The following FBF1 variants were observed in gnomAD, a reference collection of about 807,000 sequenced individuals.
The protein encoded by FBF1 is fas-binding factor 1.
FBF1 carries 119 observed loss-of-function variants against 147.2 expected under a neutral mutation model. The ratio of observed to expected loss-of-function variants is 0.81; its 90% CI spans 0.70 to 0.94. The LOEUF is 0.94. FBF1 is among the 40% of genes least tolerant of loss of function. FBF1 has a pLI of 0.00. For synonymous variants in FBF1, 601 were observed against 609.0 expected, an observed-to-expected ratio of 0.99 and a Z score of 0.19; for missense variants, 1,449 against 1,500.8, an observed-to-expected ratio of 0.97 and a Z score of 0.57.
chr17:75,926,287 C>T lies in FBF1; in HGVS notation c.734+1G>A. 1 of 1,613,148 alleles carries T rather than the reference C, an allele frequency of 6.2e-7. No homozygotes were observed. Among genetic ancestry groups the T allele is most frequent in the South Asian group, 1.1e-5 (1 of 90,910 alleles). ...AGCCTGGCCTACTCAGGGATCCTTACTGGTCTCCTATCTGCCTCTTCTCTG... is the reference window on the plus strand; with the variant it reads ...AGCCTGGCCTACTCAGGGATCCTTATTGGTCTCCTATCTGCCTCTTCTCTG... On this transcript the variant is annotated splice_donor_variant, in intron 11 of 29. Transcript: ENST00000636174. LOFTEE classifies it high-confidence loss of function.
At position 75,917,725 on chromosome 17, in the gene FBF1, G is replaced by A. The variant is rs932215452; in HGVS notation, c.2505+7C>T. On this transcript the variant is annotated splice_region_variant and intron_variant, in intron 23 of 29. Transcript: ENST00000636174. ...AGGGGCAGGAGGGCCAGGAGGACGG[G>A]CCTCACCTGCTCCAGCAGCCGGCTC... The A allele has an allele frequency of 1.9e-6, 3 of 1,568,134 alleles. No individual in the cohort carries two copies. Among genetic ancestry groups the A allele is most frequent in the Admixed American group, 3.7e-5 (2 of 53,702 alleles).
Position 75,923,304 on chromosome 17 carries a change from CCT to C in FBF1, c.1304_1305del (p.Glu435GlyfsTer25). Reference sequence around the variant, plus strand: ...CGAGACAGGGCATGGCTCAGCCAGTCCTCTTTCTCCTCCTTGGAGGCTCGCAG... The same window carrying C: ...CGAGACAGGGCATGGCTCAGCCAGTCCTTTCTCCTCCTTGGAGGCTCGCAG... ...SKLRASKEEK[E>X]DWLSHALSRK... On this transcript the variant is annotated frameshift_variant, in exon 14 of 30. Coordinates refer to ENST00000636174, the MANE Select transcript of FBF1 (RefSeq NM_001319193.2). LOFTEE classifies it high-confidence loss of function. This position sits in a 1 kb window ranked among gnomAD's most constrained non-coding sequence, Gnocchi z 4.1. 1 of 1,594,214 alleles carries C rather than the reference CCT, an allele frequency of 6.3e-7. No homozygotes were observed. The highest frequency in any genetic ancestry group is 8.5e-7 in the Non-Finnish European group (1 of 1,170,798).
chr17:75,923,784 C>T lies in FBF1; in HGVS notation c.969-143G>A, dbSNP rs1346498783. Reference sequence around the variant, plus strand: ...GTGAGCAGTGGCTCCTGGACCGGCTCAGGTGGCAGGCCACGTGCTGTCTGT... The same window carrying T: ...GTGAGCAGTGGCTCCTGGACCGGCTTAGGTGGCAGGCCACGTGCTGTCTGT... On this transcript the variant is annotated intron_variant, in intron 13 of 29. Coordinates refer to ENST00000636174, the MANE Select transcript of FBF1 (RefSeq NM_001319193.2). The surrounding 1 kb of genome is among the most constrained non-coding windows in gnomAD (Gnocchi z 4.1). The T allele has an allele frequency of 9.0e-6, 7 of 775,130 alleles. No homozygotes were observed. The highest frequency in any genetic ancestry group is 8.1e-5 in the East Asian group (3 of 37,108). 48.0% of individuals were successfully genotyped at this position (775,130 alleles called of 1,614,324 possible).
Position 75,918,034 on chromosome 17 carries a change from G to A in FBF1, c.2283C>T (p.Phe761=), listed in dbSNP as rs367968756. The change falls in exon 22 of 30, where the codon TTC becomes TTT. Residue 761 remains phenylalanine (F), a synonymous_variant. Transcript: ENST00000636174. This position sits in a 1 kb window ranked among gnomAD's most constrained non-coding sequence, Gnocchi z 5.8. Reference sequence around the variant, plus strand: ...AGGACAACTCGTGCAGGCTGCTGGAGAACTTCTCCATCTGGTGGATGATGC... The same window carrying A: ...AGGACAACTCGTGCAGGCTGCTGGAAAACTTCTCCATCTGGTGGATGATGC... ...LNSIIHQMEK[F]SSSLHELSSR... The A allele has an allele frequency of 4.3e-6, 7 of 1,611,980 alleles. No individual in the cohort carries two copies. In the African/African-American group the frequency reaches 9.3e-5, roughly 22 times the overall value.
intron 4 of FBF1, among the ~76,000 whole-genome samples, chr17:75,934,605 C>T (rs942895975): frequency 2.0e-5 from 3 of 149,234 alleles, no homozygotes; most frequent in Admixed American, 6.7e-5. Flanking sequence ...TGGCCGGGCG[C>T]GGTGGCTCAA....
Position 75,931,247 on chromosome 17 carries a change from C to T in FBF1, c.210G>A (p.Leu70=). The change falls in exon 6 of 30, where the codon CTG becomes CTA. Residue 70 remains leucine, a synonymous_variant. Transcript: ENST00000636174. ...GDDVFSTMAG[L]EEADAEVSGI... is the part of the protein sequence containing the mutation. ...GGCTCACCTCAGCATCAGCTTCTTC[C>T]AGGCCTGCCATGGTGCTGAAGACAT... is the stretch of plus-strand genomic sequence containing the variant. The T allele has an allele frequency of 6.3e-7, 1 of 1,580,002 alleles. No individual in the cohort carries two copies. The highest frequency in any genetic ancestry group is 1.2e-5 in the South Asian group (1 of 85,870).
rs369905968 is a variant in FBF1, at chr17:75,918,227, C to A, written c.2181G>T (p.Leu727=). 4.4e-5 allele frequency: 71 copies of A among 1,613,532 alleles called. No individual in the cohort carries two copies. The highest frequency in any genetic ancestry group is 4.9e-5 in the Non-Finnish European group (58 of 1,179,862). The stretch of plus-strand genomic sequence containing the variant: ...GGTCCTTCAGCAGCTTTAGCCGCTG[C>A]AGCTGCTCCTCGTGGTCTCTGCGCA... The part of the protein sequence containing the change: ...LDMRRDHEEQ[L]QRLKLLKDRE... Residue 727 remains leucine, a synonymous_variant, in exon 21 of 30, where the codon CTG becomes CTT. Coordinates refer to ENST00000636174, the MANE Select transcript of FBF1 (RefSeq NM_001319193.2). This position sits in a 1 kb window ranked among gnomAD's most constrained non-coding sequence, Gnocchi z 5.8.
At chr17:75,926,681 C>G in intron 10 of FBF1, 77 bp downstream of exon 10, 1 of 1,550,374 alleles carries the variant, frequency 6.5e-7, no homozygotes, top group Non-Finnish European at 8.7e-7. Context: ...GCCTCTGGTT[C>G]TGCACCAGAA....
chr17:75,917,632 T>G, intron 23 of FBF1, 100 bp downstream of exon 23: 1 of 1,094,414 alleles, frequency 9.1e-7, no homozygotes, highest in Non-Finnish European at 1.3e-6. Flanking sequence ...CTTGACCTCC[T>G]GAGGAAGTGA....
At chr17:75,931,713 G>A (rs548581459) in intron 5 of FBF1, among the ~76,000 whole-genome samples, 21 of 152,086 alleles carry the variant, frequency 1.4e-4, no homozygotes, top group Non-Finnish European at 2.2e-4. Flanking sequence ...GAACCGGGAG[G>A]TGGAGGCTGC....
At chr17:75,938,030 C>G (rs1459497947) in intron 2 of FBF1, 117 bp downstream of exon 2, 14 of 1,471,446 alleles carry the variant, frequency 9.5e-6, no homozygotes, top group Non-Finnish European at 1.3e-5. Context: ...TCTCCAGGGT[C>G]TCCATCCTGG....
At chr17:75,929,945 A>AGGGGGGGCCCCCCCCCCCCCCCCCCCACC in intron 7 of FBF1, 52 bp downstream of exon 7, 1 of 650,912 alleles carries the variant, frequency 1.5e-6, no homozygotes, top group Non-Finnish European at 2.8e-6. Flanking sequence ...AAATATCATG[A>AGGGGGGGCCCCCCCCCCCCCCCCCCCACC]CCCCACCCCA....
At chr17:75,913,868 T>C (rs752794969) in intron 27 of FBF1, 45 bp downstream of exon 27, 4 of 1,562,908 alleles carry the variant, frequency 2.6e-6, no homozygotes, top group Non-Finnish European at 3.5e-6. Context: ...GGTGGGAGGC[T>C]GGGGGTGCCG....
At chr17:75,937,697 G>T in intron 2 of FBF1, 104 bp from the exon 3 acceptor site, 1 of 1,180,342 alleles carries the variant, frequency 8.5e-7, no homozygotes. Context: ...AGTAACCAGA[G>T]GCAAGAGCAC....
intron 15 of FBF1, 63 bp downstream of exon 15, chr17:75,921,882 A>G: frequency 7.2e-7 from 1 of 1,391,726 alleles, no homozygotes; most frequent in East Asian, 2.5e-5. Flanking sequence ...TCCCTCTCTC[A>G]GGACAGAGGC....
In FBF1 at chr17:75,925,248, CAT is replaced by C. The variant is rs1750441370; in HGVS notation, c.968+97_968+98del. On this transcript the variant is annotated intron_variant, in intron 13 of 29. Transcript: ENST00000636174. The surrounding 1 kb of genome is among the most constrained non-coding windows in gnomAD (Gnocchi z 5.0). ...GGGCCTTGTACCCTGTGGCCTCCCA[CAT>C]GAGACTCTCGGGTGGGACAGGGGAC... The C allele has an allele frequency of 2.3e-6, 2 of 888,358 alleles. No homozygotes were observed. The highest frequency in any genetic ancestry group is 3.4e-5 in the African/African-American group (2 of 59,064). The allele number at this position is 888,358 out of a possible 1,614,324, so 55.0% of individuals were successfully genotyped here.
In FBF1 at chr17:75,929,982, A is replaced by T; in HGVS notation, c.279+15T>A. The T allele has an allele frequency of 8.5e-7, 1 of 1,175,582 alleles. No individual in the cohort carries two copies. The allele number at this position is 1,175,582 out of a possible 1,614,324, so 72.8% of individuals were successfully genotyped here. On this transcript the variant is annotated intron_variant, in intron 7 of 29. Coordinates refer to ENST00000636174, the MANE Select transcript of FBF1 (RefSeq NM_001319193.2). ...CCACCCCCAGTTCTAAGAATCGTGC[A>T]AGCTGTTTCCTTACCTTCATGGCCT...
chr17:75,937,402 C>T (rs1011815392), intron 3 of FBF1, among the ~76,000 whole-genome samples, 164 bp downstream of exon 3: 1 of 152,098 alleles, frequency 6.6e-6, no homozygotes, highest in Non-Finnish European at 1.5e-5. Flanking sequence ...GATCTCCTGA[C>T]CTCATGATCC....
At position 75,918,013 on chromosome 17, in the gene FBF1, C is replaced by T. The variant is rs760120246; in HGVS notation, c.2304G>A (p.Leu768=). ...GGTGCGAGGCCTCCACGCGGGAGGA[C>T]AACTCGTGCAGGCTGCTGGAGAACT... ...MEKFSSSLHE[L]SSRVEASHLT... Residue 768 remains leucine, a synonymous_variant, in exon 22 of 30, where the codon TTG becomes TTA. Transcript: ENST00000636174. This position sits in a 1 kb window ranked among gnomAD's most constrained non-coding sequence, Gnocchi z 5.8. 1 of 1,612,540 alleles carries T rather than the reference C, an allele frequency of 6.2e-7. No homozygotes were observed. The highest frequency in any genetic ancestry group is 8.5e-7 in the Non-Finnish European group (1 of 1,179,136).
Sources: allele counts gnomAD v4.1 joint callset (sites outside exome capture counted in the v4.1 genomes callset), GRCh38; gene constraint gnomAD v4.1.1; non-coding constraint Gnocchi (gnomAD v3.1); transcripts MANE v1.5; gene names NCBI Gene and HGNC (gene_info 2026-07-23, HGNC 2026-07-21).